SLC7A13: variants seen among roughly 807,000 people sequenced by gnomAD.
SLC7A13 encodes the protein X-amino acid transporter 2.
In SLC7A13, 31 loss-of-function variants were observed where a neutral mutation model predicts 32.0. The observed-to-expected ratio is 0.97, with a 90% CI of 0.73 to 1.31. SLC7A13 has a LOEUF of 1.31. Among genes scored for constraint, SLC7A13 ranks in the 50% most tolerant of loss-of-function variants. The probability of loss-of-function intolerance (pLI) is 0.00; values close to 1 mark genes in which losing one functional copy is unlikely to be tolerated. For synonymous variants in SLC7A13, 232 were observed against 206.9 expected (o/e 1.12, Z -1.04); for missense variants, 633 against 546.9 (o/e 1.16, Z -1.57).
rs1563588424 is a variant in SLC7A13 at position 86,217,730 on chromosome 8, T to C, written c.919A>G (p.Ile307Val). 2 of 1,613,180 alleles carry C rather than the reference T, an allele frequency of 1.2e-6. No homozygotes were observed. The highest frequency in any genetic ancestry group is 2.2e-5 in the East Asian group (1 of 44,826). The part of the protein sequence containing the change: ...TSLFSNLLIS[I>V]FKSSRPIYLA... ...TATATTGGTCTCGATGATTTAAATATAGAAATCAGAAGGTTGCTAAATAAT... is the reference window on the plus strand; with the variant it reads ...TATATTGGTCTCGATGATTTAAATACAGAAATCAGAAGGTTGCTAAATAAT... The change falls in exon 3 of 4, where the codon ATA (isoleucine) becomes GTA (valine). Residue 307 changes from isoleucine to valine, a missense_variant. Physicochemically the swap from Ile to Val is conservative, Grantham distance 29 (BLOSUM62 3). Coordinates refer to ENST00000297524, the MANE Select transcript of SLC7A13 (RefSeq NM_138817.3).
Position 86,230,294 on chromosome 8 carries a change from T to C in SLC7A13, c.-17A>G. On this transcript the variant is annotated 5_prime_UTR_variant, in exon 1 of 4. Transcript: ENST00000297524. ...TCTATCCATTGTAATTGAAGAGTTT[T>C]AAAATTCTATATAAATTACAATTTC... 2.0e-6 allele frequency: 3 copies of C among 1,519,364 alleles called. No homozygotes were observed. The highest frequency in any genetic ancestry group is 2.6e-6 in the Non-Finnish European group (3 of 1,135,696). The allele number at this position is 1,519,364 out of a possible 1,614,324, so 94.1% of individuals were successfully genotyped here. A position where few individuals can be genotyped will look rare whatever the true frequency, so the allele number is the denominator to read the frequency against.
chr8:86,227,008 T>G (rs1820397406), intron 1 of SLC7A13, among the ~76,000 whole-genome samples: 1 of 152,174 alleles, frequency 6.6e-6, no homozygotes, highest in African/African-American at 2.4e-5. Flanking sequence ...TTTTAAACCA[T>G]GATGTACATT....
Position 86,220,138 on chromosome 8 carries a change from A to G in SLC7A13, c.818-2307T>C, listed in dbSNP as rs1022292522. 1.4e-4 allele frequency among the ~76,000 whole-genome samples: 22 copies of G among 152,152 alleles called. 3 individuals carry two copies. Among genetic ancestry groups the G allele is most frequent in the Admixed American group, 1.4e-3 (21 of 15,258 alleles). On this transcript the variant is annotated intron_variant, in intron 2 of 3. Coordinates refer to ENST00000297524, the MANE Select transcript of SLC7A13 (RefSeq NM_138817.3). ...AGCTACTTTTAGGCTGCATCTGGAC[A>G]GGGAAACCTCAGCTTCTGCTTCCAT... is the stretch of plus-strand genomic sequence containing the variant.
At chr8:86,216,794 C>A (rs144842749) in intron 3 of SLC7A13, among the ~76,000 whole-genome samples, 265 of 152,200 alleles carry the variant, frequency 1.7e-3, no homozygotes, top group African/African-American at 6.2e-3. Flanking sequence ...TTGAATCCAC[C>A]TTTTTATTAC....
rs375358080 is a variant in SLC7A13 at position 86,217,665 on chromosome 8, A to C, written c.984T>G (p.Asn328Lys). The stretch of plus-strand genomic sequence containing the variant: ...ATGGAGAAGAGTGACTATTAAGTGT[A>C]TTAAATAGCAAAGGCAGCTGGCCCT... ...SQEGQLPLLFNTLNSHSSPFT... is the reference protein window; with the variant it reads ...SQEGQLPLLFKTLNSHSSPFT... Residue 328 changes from asparagine to lysine, a missense_variant, in exon 3 of 4, where the codon AAT becomes AAG. Physicochemically the swap from Asn to Lys is moderately conservative, Grantham distance 94. Coordinates refer to ENST00000297524, the MANE Select transcript of SLC7A13 (RefSeq NM_138817.3). 4 of 1,613,420 alleles carry C rather than the reference A, an allele frequency of 2.5e-6. No homozygotes were observed. The highest frequency in any genetic ancestry group is 1.3e-5 in the African/African-American group (1 of 74,882).
At chr8:86,224,363 T>G (rs1586148269) in intron 1 of SLC7A13, among the ~76,000 whole-genome samples, 1 of 152,106 alleles carries the variant, frequency 6.6e-6, no homozygotes, top group East Asian at 1.9e-4. Flanking sequence ...AATAATTACT[T>G]CTGGGAAACT....
intron 1 of SLC7A13, among the ~76,000 whole-genome samples, chr8:86,228,461 A>T (rs1820425538): frequency 6.6e-6 from 1 of 152,120 alleles, no homozygotes; most frequent in Admixed American, 6.5e-5. Flanking sequence ...TGCAGCCTCA[A>T]ACTCCTGGGC....
intron 2 of SLC7A13, 42 bp from the exon 3 acceptor site, chr8:86,217,873 G>C (rs1013106448): frequency 4.7e-6 from 7 of 1,487,622 alleles, no homozygotes; most frequent in Non-Finnish European, 1.8e-6. Context: ...TGTGTTAAAA[G>C]AGAAATACTA....
intron 2 of SLC7A13, among the ~76,000 whole-genome samples, chr8:86,221,688 T>C (rs1486192082): frequency 7.0e-6 from 1 of 143,800 alleles, no homozygotes; most frequent in East Asian, 2.2e-4. Context: ...AAAGTAAGCA[T>C]TGTAGCCAAA....
At position 86,214,569 on chromosome 8, in the gene SLC7A13, A is replaced by G. The variant is rs1820146112; in HGVS notation, c.1257T>C (p.Asn419=). Residue 419 remains asparagine, a synonymous_variant, in exon 4 of 4, where the codon AAT becomes AAC. Transcript: ENST00000297524. ...ACAGAAGCACGTAGACATAATGCAC[A>G]TTTGGAGACTTTACCAATGGTATCA... The part of the protein sequence containing the change: ...LVVIPLVKSP[N]VHYVYVLLLV... 1 of 1,613,792 alleles carries G rather than the reference A, an allele frequency of 6.2e-7. No homozygotes were observed. The highest frequency in any genetic ancestry group is 8.5e-7 in the Non-Finnish European group (1 of 1,179,854).
intron 2 of SLC7A13, 38 bp downstream of exon 2, chr8:86,222,934 A>G (rs990723886): frequency 1.9e-6 from 3 of 1,544,178 alleles, no homozygotes; most frequent in African/African-American, 1.4e-5. Context: ...TGAAAGGACC[A>G]GCACTTTATT....
chr8:86,218,970 T>C (rs2129786501), intron 2 of SLC7A13, among the ~76,000 whole-genome samples: 1 of 152,268 alleles, frequency 6.6e-6, no homozygotes, highest in South Asian at 2.1e-4. Flanking sequence ...TAACACAAGG[T>C]AGGACTTCCC....
chr8:86,217,724 T>C lies in SLC7A13; in HGVS notation c.925A>G (p.Lys309Glu). 6.2e-7 allele frequency: 1 copy of C among 1,613,344 alleles called. No homozygotes were observed. Among genetic ancestry groups the C allele is most frequent in the South Asian group, 1.1e-5 (1 of 91,006 alleles). The stretch of plus-strand genomic sequence containing the variant: ...GCAAGATATATTGGTCTCGATGATT[T>C]AAATATAGAAATCAGAAGGTTGCTA... The part of the protein sequence containing the change: ...LFSNLLISIF[K>E]SSRPIYLASQ... The change falls in exon 3 of 4, where the codon AAA becomes GAA. Residue 309 changes from lysine (K) to glutamate (E), a missense_variant. Coordinates refer to ENST00000297524, the MANE Select transcript of SLC7A13 (RefSeq NM_138817.3).
intron 2 of SLC7A13, among the ~76,000 whole-genome samples, chr8:86,219,784 T>C (rs1820261993): frequency 6.6e-6 from 1 of 152,174 alleles, no homozygotes; most frequent in African/African-American, 2.4e-5. Context: ...TTTCATACTG[T>C]TTTATTTGTA....
chr8:86,220,572 T>C (rs982736991), intron 2 of SLC7A13, among the ~76,000 whole-genome samples: 5 of 152,162 alleles, frequency 3.3e-5, no homozygotes, highest in East Asian at 1.9e-4. Flanking sequence ...ATTCTTTCAA[T>C]GTTCCTTAAA....
chr8:86,222,470 C>A (rs1328648880), intron 2 of SLC7A13, among the ~76,000 whole-genome samples: 1 of 151,950 alleles, frequency 6.6e-6, no homozygotes, highest in Non-Finnish European at 1.5e-5. Context: ...GACACTTTGC[C>A]ACCATAAATT....
In SLC7A13 at chr8:86,227,856, T is replaced by C. The variant is rs1016339739; in HGVS notation, c.685+1737A>G. Among the ~76,000 whole-genome samples the C allele has an allele frequency of 2.0e-5, 3 of 152,160 alleles. No individual in the cohort carries two copies. In the East Asian group the frequency reaches 5.8e-4, roughly 29 times the overall value. ...CAAAAACAGAAAATCAAATACTGCA[T>C]ATTCTCACTTATATATGGGAGCTAA... is the stretch of plus-strand genomic sequence containing the variant. On this transcript the variant is annotated intron_variant, in intron 1 of 3. Transcript: ENST00000297524.
rs377741883 is a variant in SLC7A13, at chr8:86,229,703, C to G, written c.575G>C (p.Arg192Pro). 5 of 1,614,164 alleles carry G rather than the reference C, an allele frequency of 3.1e-6. No homozygotes were observed. The South Asian group carries it at 5.5e-5, about 18-fold the overall frequency. ...TTCAGCATCAAAAGCATTCTGAAATCGTTCTACATTCTCCTTTTTCCCTCT... is the reference window on the plus strand; with the variant it reads ...TTCAGCATCAAAAGCATTCTGAAATGGTTCTACATTCTCCTTTTTCCCTCT... ...LIRGKKENVERFQNAFDAELP... is the reference protein window; with the variant it reads ...LIRGKKENVEPFQNAFDAELP... The change falls in exon 1 of 4, where the codon CGA (arginine) becomes CCA (proline). Residue 192 changes from arginine to proline, a missense_variant. Coordinates refer to ENST00000297524, the MANE Select transcript of SLC7A13 (RefSeq NM_138817.3).
intron 2 of SLC7A13, among the ~76,000 whole-genome samples, chr8:86,220,734 TG>T (rs1820279767): frequency 6.6e-6 from 1 of 152,116 alleles, no homozygotes; most frequent in Non-Finnish European, 1.5e-5. Context: ...TTGGGCCTAG[TG>T]GCTCACGTCT....
Sources: allele counts gnomAD v4.1 joint callset (sites outside exome capture counted in the v4.1 genomes callset), GRCh38; gene constraint gnomAD v4.1.1; transcripts MANE v1.5; gene names NCBI Gene and HGNC (gene_info 2026-07-23, HGNC 2026-07-21).